Variants in ADGRE5 observed in about 807,000 individuals in gnomAD.
ADGRE5 encodes CD97 molecule.
Under a neutral mutation model 100.3 loss-of-function variants are expected in ADGRE5, and 72 were observed. That is an observed-to-expected ratio of 0.72 (90% CI 0.59 to 0.87). The LOEUF (loss-of-function observed/expected upper bound fraction) is 0.87, where lower values mean the gene tolerates loss of function less well. Among genes scored for constraint, ADGRE5 ranks in the 40% least tolerant of loss-of-function variants. The pLI is 0.00. For missense variants in ADGRE5, 959 were observed against 1,094.7 expected (o/e 0.88, Z 1.75); for synonymous variants, 439 against 447.8 (o/e 0.98, Z 0.25).
chr19:14,408,640 A>C lies in ADGRE5; in HGVS notation c.*519A>C. 2.1e-6 allele frequency: 1 copy of C among 476,244 alleles called. No homozygotes were observed. Among genetic ancestry groups the C allele is most frequent in the South Asian group, 4.0e-5 (1 of 25,148 alleles). The allele number at this position is 476,244 out of a possible 1,614,324, so 29.5% of individuals were successfully genotyped here. A position where few individuals can be genotyped will look rare whatever the true frequency, so the allele number is the denominator to read the frequency against. On this transcript the variant is annotated 3_prime_UTR_variant, in exon 20 of 20. Transcript: ENST00000242786. Reference sequence around the variant, plus strand: ...CGGGCAGGAGGTTCTCACTGTTGTGAAGGTTGTAGACGTTGTGTAATGTGT... The same window carrying C: ...CGGGCAGGAGGTTCTCACTGTTGTGCAGGTTGTAGACGTTGTGTAATGTGT...
At chr19:14,382,985 C>T (rs1378584894) in intron 1 of ADGRE5, among the ~76,000 whole-genome samples, 14 of 152,094 alleles carry the variant, frequency 9.2e-5, no homozygotes, top group Admixed American at 9.2e-4. Flanking sequence ...ATTCACCCGC[C>T]TCCGCCTCCC....
chr19:14,398,265 T>G, intron 9 of ADGRE5, 126 bp downstream of exon 9: 2 of 767,822 alleles, frequency 2.6e-6, no homozygotes, highest in Non-Finnish European at 4.5e-6. Flanking sequence ...GCGCATAACA[T>G]ACACACACCA....
intron 8 of ADGRE5, 26 bp downstream of exon 8, chr19:14,397,961 C>G (rs763222536): frequency 3.5e-6 from 5 of 1,427,474 alleles, no homozygotes; most frequent in African/African-American, 1.5e-5. Context: ...AGGGACGAGG[C>G]GGCGGGAACT....
chr19:14,385,399 GTC>G (rs879416523), intron 1 of ADGRE5, among the ~76,000 whole-genome samples: 30 of 151,024 alleles, frequency 2.0e-4, no homozygotes, highest in African/African-American at 6.1e-4. Flanking sequence ...CTCTCTGTCT[GTC>G]TCTCTCTCTC....
At chr19:14,399,523 C>T (rs1233895086) in intron 9 of ADGRE5, among the ~76,000 whole-genome samples, 1 of 136,882 alleles carries the variant, frequency 7.3e-6, no homozygotes, top group Admixed American at 8.1e-5. Context: ...GAGATCCCGC[C>T]ACTGCACTCC....
At chr19:14,388,659 T>C (rs8108409) in intron 2 of ADGRE5, 43 bp from the exon 3 acceptor site, 64,112 of 1,597,520 alleles carry the variant, frequency 0.04, 4,688 homozygotes, top group African/African-American at 0.34. Context: ...TTTTGTGTAT[T>C]CCCTTACCCC....
intron 4 of ADGRE5, among the ~76,000 whole-genome samples, chr19:14,394,980 G>A (rs1246477061): frequency 1.3e-5 from 2 of 152,192 alleles, no homozygotes; most frequent in Non-Finnish European, 1.5e-5. Context: ...GTGGCCAGGT[G>A]TGGGCAGCGT....
At position 14,391,227 on chromosome 19, in the gene ADGRE5, C is replaced by T. The variant is rs754531215; in HGVS notation, c.346+148C>T. ...GACAGGTGCACATGTACCTACCCCA[C>T]CACCCCAGAGAGGCAGAGTGATGTG... On this transcript the variant is annotated intron_variant, in intron 4 of 19. Coordinates refer to ENST00000242786, the MANE Select transcript of ADGRE5 (RefSeq NM_078481.4). 3 of 987,016 alleles carry T rather than the reference C, an allele frequency of 3.0e-6. No individual in the cohort carries two copies. In the Admixed American group the frequency reaches 7.1e-5, roughly 23 times the overall value. 61.1% of individuals were successfully genotyped at this position (987,016 alleles called of 1,614,324 possible).
intron 1 of ADGRE5, among the ~76,000 whole-genome samples, chr19:14,382,709 A>ATT (rs35624101): frequency 4.3e-5 from 6 of 141,076 alleles, no homozygotes; most frequent in Non-Finnish European, 4.6e-5. Context: ...CCAAAAACAA[A>ATT]TTTTTTTTTT....
intron 9 of ADGRE5, among the ~76,000 whole-genome samples, chr19:14,400,900 G>A (rs537390059): frequency 1.4e-4 from 21 of 152,066 alleles, no homozygotes; most frequent in African/African-American, 5.1e-4. Context: ...ATCTGAGATC[G>A]TGCCATTGCA....
Position 14,401,486 on chromosome 19 carries a change from A to G in ADGRE5, c.998A>G (p.Asn333Ser). ...CTCATAGCCACCCAGCTGCTCTCAA[A>G]CCTTGAAGATATCATGAGGATCCTG... Reference protein sequence around the residue: ...RHLIATQLLSNLEDIMRILAK... With the variant: ...RHLIATQLLSSLEDIMRILAK... The change falls in exon 10 of 20, where the codon AAC becomes AGC. Residue 333 changes from asparagine (N) to serine (S), a missense_variant. Physicochemically the swap from Asn to Ser is conservative, Grantham distance 46. Around this residue, in one of 6 missense-constraint regions of ADGRE5, gnomAD observed 246 missense variants for 242.2 expected, o/e 1.02. Coordinates refer to ENST00000242786, the MANE Select transcript of ADGRE5 (RefSeq NM_078481.4). The surrounding 1 kb of genome is among the most constrained non-coding windows in gnomAD (Gnocchi z 4.1). 14 of 1,614,066 alleles carry G rather than the reference A, an allele frequency of 8.7e-6. No individual in the cohort carries two copies. The highest frequency in any genetic ancestry group is 1.1e-5 in the Non-Finnish European group (13 of 1,179,990).
chr19:14,403,898 T>C lies in ADGRE5; in HGVS notation c.1450-485T>C, dbSNP rs1190872779. Among the ~76,000 whole-genome samples the C allele has an allele frequency of 3.5e-5, 4 of 114,568 alleles. No individual in the cohort carries two copies. In the Admixed American group the frequency reaches 4.0e-4, roughly 12 times the overall value. The allele number at this position is 114,568 out of a possible 152,430, so 75.2% of individuals were successfully genotyped here. A position where few individuals can be genotyped will look rare whatever the true frequency, so the allele number is the denominator to read the frequency against. ...TTTTTTTTTTTTTTTTTTTTTGAGA[T>C]GGAGTTTCACTCTTGTCATCCAGGC... On this transcript the variant is annotated intron_variant, in intron 12 of 19. Transcript: ENST00000242786.
intron 13 of ADGRE5, 103 bp downstream of exon 13, chr19:14,404,665 T>G (rs538402110): frequency 5.1e-5 from 59 of 1,158,792 alleles, no homozygotes; most frequent in Non-Finnish European, 6.9e-5. Flanking sequence ...TGCTCAGATA[T>G]ATCTGCATGG....
Position 14,382,547 on chromosome 19 carries a change from G to T in ADGRE5, c.22+1002G>T, listed in dbSNP as rs539038856. Among the ~76,000 whole-genome samples the T allele has an allele frequency of 2.6e-5, 4 of 152,220 alleles. No individual in the cohort carries two copies. In the South Asian group the frequency reaches 8.3e-4, roughly 32 times the overall value. On this transcript the variant is annotated intron_variant, in intron 1 of 19. Transcript: ENST00000242786. ...GGACACAAACTATTCCTGGTTCACA[G>T]TAAGAATTAGGTAAACAGCATTTTA...
rs192973054 is a variant in ADGRE5, at chr19:14,403,023, T to C, written c.1449+161T>C. ...CCTCATTACTTATTTATTTCCTTAC[T>C]TTATTTATTTAATTTAATTAATTAA... On this transcript the variant is annotated intron_variant, in intron 12 of 19. Coordinates refer to ENST00000242786, the MANE Select transcript of ADGRE5 (RefSeq NM_078481.4). Among the ~76,000 whole-genome samples, 38 of 152,178 alleles carry C rather than the reference T, an allele frequency of 2.5e-4. No homozygotes were observed. In the East Asian group the frequency reaches 7.2e-3, roughly 29 times the overall value.
intron 9 of ADGRE5, among the ~76,000 whole-genome samples, chr19:14,398,827 T>G (rs1975892898): frequency 6.6e-6 from 1 of 151,240 alleles, no homozygotes; most frequent in Non-Finnish European, 1.5e-5. Context: ...GGTGTGTTTT[T>G]TTTTGTTTGT....
chr19:14,391,224 C>A (rs746333148), intron 4 of ADGRE5, 145 bp downstream of exon 4: 8 of 1,005,008 alleles, frequency 8.0e-6, no homozygotes, highest in Non-Finnish European at 8.9e-6. Flanking sequence ...TGTACCTACC[C>A]CACCACCCCA....
Position 14,391,123 on chromosome 19 carries a change from TGG to T in ADGRE5, c.346+47_346+48del, listed in dbSNP as rs774580391. 1.7e-5 allele frequency: 28 copies of T among 1,611,482 alleles called. 1 individual carries two copies. The highest frequency in any genetic ancestry group is 8.9e-5 in the East Asian group (4 of 44,826). ...CCTCTGACTTTCCATCCATGAGGTT[TGG>T]GGTCACCAGAGCCATTCTGGCAGCA... On this transcript the variant is annotated intron_variant, in intron 4 of 19. Transcript: ENST00000242786.
At chr19:14,398,274 C>A in intron 9 of ADGRE5, 135 bp downstream of exon 9, 1 of 727,458 alleles carries the variant, frequency 1.4e-6, no homozygotes, top group South Asian at 1.6e-5. Context: ...ATACACACAC[C>A]ACATACAGTA....
Sources: allele counts gnomAD v4.1 joint callset (sites outside exome capture counted in the v4.1 genomes callset), GRCh38; gene constraint gnomAD v4.1.1; regional missense constraint gnomAD v4.1.1; non-coding constraint Gnocchi (gnomAD v3.1); transcripts MANE v1.5; gene names NCBI Gene and HGNC (gene_info 2026-07-23, HGNC 2026-07-21).